The following SORL1 variants were observed in gnomAD, a reference collection of about 807,000 sequenced individuals.
SORL1 encodes the protein sortilin related receptor 1.
SORL1 carries 127 observed loss-of-function variants against 273.7 expected under a neutral mutation model. The observed-to-expected ratio is 0.46, with a 90% CI of 0.40 to 0.54. The LOEUF (loss-of-function observed/expected upper bound fraction) is 0.54, where lower values mean the gene tolerates loss of function less well. Ranked by LOEUF, SORL1 falls within the 20% of genes least tolerant of loss-of-function variation. The probability of loss-of-function intolerance (pLI) is 0.00; values close to 1 mark genes in which losing one functional copy is unlikely to be tolerated. For missense variants in SORL1, 2,494 were observed against 2,846.1 expected, an observed-to-expected ratio of 0.88 and a Z score of 2.81; for synonymous variants, 1,031 against 1,067.4, an observed-to-expected ratio of 0.97 and a Z score of 0.66.
intron 27 of SORL1, among the ~76,000 whole-genome samples, chr11:121,586,693 T>TGGGGGGGGGGGGGGGGGGG (rs376563096): frequency 4.1e-5 from 4 of 97,158 alleles, no homozygotes; most frequent in Admixed American, 1.2e-4. Context: ...GGGGGTAGAG[T>TGGGGGGGGGGGGGGGGGGG]GGGGGGGGGG....
rs1396899598 is a variant in SORL1, at chr11:121,612,847, C to T, written c.5419+15C>T. On this transcript the variant is annotated intron_variant, in intron 40 of 47. Transcript: ENST00000260197. ...GTCACACAAAGGTAACACTTTGGTG[C>T]TGGTCAGTGTGTGTGCAGGAAGGGG... The T allele has an allele frequency of 1.3e-6, 2 of 1,576,448 alleles. No individual in the cohort carries two copies. Among genetic ancestry groups the T allele is most frequent in the African/African-American group, 1.3e-5 (1 of 74,350 alleles).
At chr11:121,543,254 A>G (rs542062176) in intron 12 of SORL1, among the ~76,000 whole-genome samples, 3 of 152,124 alleles carry the variant, frequency 2.0e-5, no homozygotes, top group African/African-American at 7.2e-5. Flanking sequence ...TAGTATCATT[A>G]GAGACCCATG....
rs577587443 is a variant in SORL1 at position 121,470,104 on chromosome 11, C to T, written c.383C>T (p.Ala128Val). 4.3e-6 allele frequency: 7 copies of T among 1,613,370 alleles called. No individual in the cohort carries two copies. The highest frequency in any genetic ancestry group is 1.7e-4 in the Middle Eastern group (1 of 6,052). ...TTGGCCCGAGATAGCCTGGCATTGG[C>T]GAGGCCCAAGAGCAGTGATGTAAGT... ...VALARDSLAL[A>V]RPKSSDVYVS... The change falls in exon 2 of 48, where the codon GCG (alanine) becomes GTG (valine). Residue 128 changes from alanine to valine, a missense_variant. Transcript: ENST00000260197.
At chr11:121,574,401 A>AG (rs1215233012) in intron 24 of SORL1, 38 bp downstream of exon 24, 2 of 1,604,300 alleles carry the variant, frequency 1.2e-6, no homozygotes, top group Non-Finnish European at 1.7e-6. Flanking sequence ...TGCTCTGGAG[A>AG]GGGGGGTCAT....
rs779163526 is a variant in SORL1 at position 121,590,994 on chromosome 11, T to C, written c.4214-7T>C. ...TTTTGGGTTTCCGTGCTTGGTGTTT[T>C]TCTCAGATTCACATATTCTTCCCTT... On this transcript the variant is annotated splice_region_variant and splice_polypyrimidine_tract_variant and intron_variant, in intron 30 of 47. Coordinates refer to ENST00000260197, the MANE Select transcript of SORL1 (RefSeq NM_003105.6). The C allele has an allele frequency of 6.2e-7, 1 of 1,614,220 alleles. No individual in the cohort carries two copies. The highest frequency in any genetic ancestry group is 8.5e-7 in the Non-Finnish European group (1 of 1,180,026).
chr11:121,612,584 C>A (rs1863582414), intron 39 of SORL1, 152 bp from the exon 40 acceptor site: 1 of 570,490 alleles, frequency 1.8e-6, no homozygotes, highest in Admixed American at 3.1e-5. Flanking sequence ...CAAGTAGAAC[C>A]TGTTTAAAAT....
chr11:121,469,587 T>A (rs1861139647), intron 1 of SORL1, among the ~76,000 whole-genome samples: 1 of 152,204 alleles, frequency 6.6e-6, no homozygotes, highest in African/African-American at 2.4e-5. Context: ...GGAACAGAAG[T>A]TTGAAAAGCA....
intron 5 of SORL1, among the ~76,000 whole-genome samples, chr11:121,494,260 C>T (rs376414118): frequency 3.2e-4 from 48 of 152,206 alleles, no homozygotes; most frequent in Middle Eastern, 3.4e-3. Context: ...AATGACATGT[C>T]GGTTAGGGGA....
Position 121,574,273 on chromosome 11 carries a change from C to A in SORL1, c.3370C>A (p.Arg1124Ser), listed in dbSNP as rs267602736. The A allele has an allele frequency of 2.1e-5, 34 of 1,613,622 alleles. No individual in the cohort carries two copies. Among genetic ancestry groups the A allele is most frequent in the Non-Finnish European group, 2.8e-5 (33 of 1,179,642 alleles). ...TTICDLDTQF[R>S]CQESGTCIPL... is the part of the protein sequence containing the mutation. ...CATCTGTGACCTGGACACCCAGTTT[C>A]GTTGCCAGGAGTCTGGGACTTGTAT... Residue 1124 changes from arginine to serine, a missense_variant, in exon 24 of 48, where the codon CGT becomes AGT. Coordinates refer to ENST00000260197, the MANE Select transcript of SORL1 (RefSeq NM_003105.6).
intron 37 of SORL1, 59 bp from the exon 38 acceptor site, chr11:121,608,045 T>C: frequency 7.0e-7 from 1 of 1,431,764 alleles, no homozygotes; most frequent in South Asian, 1.2e-5. Context: ...GTATTCTTAC[T>C]GTATGGTGTA....
Position 121,554,216 on chromosome 11 carries a change from A to G in SORL1, c.2439+107A>G, listed in dbSNP as rs1383537097. On this transcript the variant is annotated intron_variant, in intron 17 of 47. Transcript: ENST00000260197. The surrounding 1 kb of genome is among the most constrained non-coding windows in gnomAD (Gnocchi z 4.6). The stretch of plus-strand genomic sequence containing the variant: ...GGAAATGGGCAGTTAGAAGTTTGTA[A>G]GTGTTACTCATCTCAGGGCTGACAG... The G allele has an allele frequency of 1.1e-6, 1 of 950,304 alleles. No homozygotes were observed. 58.9% of individuals were successfully genotyped at this position (950,304 alleles called of 1,614,324 possible).
chr11:121,524,999 A>G (rs750860894), intron 11 of SORL1, among the ~76,000 whole-genome samples: 5 of 152,228 alleles, frequency 3.3e-5, no homozygotes, highest in Non-Finnish European at 4.4e-5. Context: ...AGGGGACAGT[A>G]CACTGCACAT....
intron 40 of SORL1, among the ~76,000 whole-genome samples, chr11:121,613,957 G>A (rs965057749): frequency 1.3e-5 from 2 of 152,234 alleles, no homozygotes; most frequent in African/African-American, 2.4e-5. Context: ...AGCAGCTGCT[G>A]TAAGTGCTGT....
chr11:121,482,172 G>C (rs1337323094), intron 3 of SORL1, among the ~76,000 whole-genome samples: 1 of 152,166 alleles, frequency 6.6e-6, no homozygotes, highest in Non-Finnish European at 1.5e-5. Context: ...CAGAGGACTG[G>C]GGCTTTGGAA....
In SORL1 at chr11:121,550,275, C is replaced by G. The variant is rs1238412532; in HGVS notation, c.2180+187C>G. Among the ~76,000 whole-genome samples the G allele has an allele frequency of 6.6e-6, 1 of 152,212 alleles. No individual in the cohort carries two copies. Among genetic ancestry groups the G allele is most frequent in the African/African-American group, 2.4e-5 (1 of 41,444 alleles). ...ACTCTCCTACCTCCACATTGCAAGT[C>G]TGTAAGCATCCCTGAAACTCTAGGA... On this transcript the variant is annotated intron_variant, in intron 15 of 47. Transcript: ENST00000260197. The surrounding 1 kb of genome is among the most constrained non-coding windows in gnomAD (Gnocchi z 5.3).
At chr11:121,560,019 C>G (rs1022162150) in intron 21 of SORL1, among the ~76,000 whole-genome samples, 2 of 152,138 alleles carry the variant, frequency 1.3e-5, no homozygotes, top group Non-Finnish European at 2.9e-5. Flanking sequence ...GCTGGGTGCT[C>G]AGATAGTTGT....
chr11:121,583,458 C>T lies in SORL1; in HGVS notation c.3581C>T (p.Ala1194Val). 1 of 1,610,452 alleles carries T rather than the reference C, an allele frequency of 6.2e-7. No homozygotes were observed. Among genetic ancestry groups the T allele is most frequent in the East Asian group, 2.2e-5 (1 of 44,492 alleles). ...ACTGTGTCTCTCTTCTCTGTTACAGCCATCTATCACACCTGTGAGGCCTCC... is the reference window on the plus strand; with the variant it reads ...ACTGTGTCTCTCTTCTCTGTTACAGTCATCTATCACACCTGTGAGGCCTCC... Reference protein sequence around the residue: ...RDWSDEANCTAIYHTCEASNF... With the variant: ...RDWSDEANCTVIYHTCEASNF... The change falls in exon 26 of 48, where the codon GCC becomes GTC. Residue 1194 changes from alanine to valine, a missense_variant and splice_region_variant. Around this residue, in one of 3 missense-constraint regions of SORL1, gnomAD observed 1,609 missense variants for 1,816.4 expected, o/e 0.89. Coordinates refer to ENST00000260197, the MANE Select transcript of SORL1 (RefSeq NM_003105.6).
At chr11:121,471,555 G>A (rs528178349) in intron 2 of SORL1, among the ~76,000 whole-genome samples, 1 of 152,278 alleles carries the variant, frequency 6.6e-6, no homozygotes, top group Non-Finnish European at 1.5e-5. Flanking sequence ...TTACAGCTTC[G>A]GTCACCCTGC....
intron 14 of SORL1, 28 bp from the exon 15 acceptor site, chr11:121,549,932 C>T (rs375950776): frequency 6.2e-7 from 1 of 1,610,122 alleles, no homozygotes; most frequent in Non-Finnish European, 8.5e-7. Context: ...AAAACCGTGG[C>T]CTTAACAAAG....
Sources: gnomAD v4.1 joint callset for allele counts (sites outside exome capture counted in the v4.1 genomes callset) on GRCh38, gnomAD v4.1.1 for gene constraint, gnomAD v4.1.1 regional missense constraint, Gnocchi (gnomAD v3.1) non-coding constraint, MANE v1.5 for transcripts, NCBI Gene and HGNC (gene_info 2026-07-23, HGNC 2026-07-21) for gene names.